The following SPRED2 variants were observed in gnomAD, a reference collection of about 807,000 sequenced individuals.
SPRED2 encodes sprouty related EVH1 domain containing 2.
Under a neutral mutation model 43.0 loss-of-function variants are expected in SPRED2, and 47 were observed. The observed-to-expected ratio is 1.09, with a 90% CI of 0.87 to 1.40. The LOEUF (loss-of-function observed/expected upper bound fraction) is 1.40. SPRED2 is among the 40% of genes most tolerant of loss of function. SPRED2 has a pLI of 0.00. For missense variants in SPRED2, 561 were observed against 586.4 expected, an observed-to-expected ratio of 0.96 and a Z score of 0.45; for synonymous variants, 225 against 225.7, an observed-to-expected ratio of 1.00 and a Z score of 0.03.
chr2:65,318,158 C>T (rs1436687877), intron 4 of SPRED2, among the ~76,000 whole-genome samples: 3 of 152,174 alleles, frequency 2.0e-5, no homozygotes, highest in South Asian at 4.1e-4. Context: ...CCTGCACAAG[C>T]TCTTTTTTTG....
At chr2:65,431,844 G>T in intron 1 of SPRED2, 118 bp downstream of exon 1, 1 of 1,247,872 alleles carries the variant, frequency 8.0e-7, no homozygotes, top group Non-Finnish European at 1.2e-6. Context: ...CGAAAGGTCA[G>T]CGAGTCGCTG....
At chr2:65,379,125 G>A (rs1391081518) in intron 1 of SPRED2, among the ~76,000 whole-genome samples, 1 of 152,108 alleles carries the variant, frequency 6.6e-6, no homozygotes, top group Non-Finnish European at 1.5e-5. Context: ...TGGCAAACAG[G>A]TTAAAATGAG....
intron 2 of SPRED2, among the ~76,000 whole-genome samples, chr2:65,343,772 T>C (rs1269834372): frequency 6.6e-6 from 1 of 152,170 alleles, no homozygotes; most frequent in Admixed American, 6.5e-5. Context: ...TAAGACCATA[T>C]ATTATGAAGT....
chr2:65,423,323 G>A (rs1025480948), intron 1 of SPRED2, among the ~76,000 whole-genome samples: 1 of 152,164 alleles, frequency 6.6e-6, no homozygotes, highest in Non-Finnish European at 1.5e-5. Context: ...GGGAGCCAAG[G>A]ATGCTATTAC....
chr2:65,309,505 C>CAAAA (rs35507211), downstream of SPRED2, among the ~76,000 whole-genome samples: 20 of 59,960 alleles, frequency 3.3e-4, no homozygotes, highest in Non-Finnish European at 4.8e-4. Flanking sequence ...GACCCTGTCT[C>CAAAA]AAAAAAAAAA....
intron 1 of SPRED2, among the ~76,000 whole-genome samples, chr2:65,431,133 G>A (rs1015435646): frequency 6.6e-6 from 1 of 150,896 alleles, no homozygotes; most frequent in Admixed American, 6.6e-5. Context: ...GGATCCCTCC[G>A]GCGGAGCGCC....
intron 1 of SPRED2, among the ~76,000 whole-genome samples, chr2:65,398,870 AAAG>A (rs58979038): frequency 0.27 from 40,795 of 151,984 alleles, 6,811 homozygotes; most frequent in East Asian, 0.69. Flanking sequence ...ACTACTGGGA[AAAG>A]AAGTCATTAT....
intron 1 of SPRED2, chr2:65,366,917 T>G: frequency 6.3e-6 from 2 of 318,604 alleles, no homozygotes; most frequent in Non-Finnish European, 9.1e-6. Flanking sequence ...GTTTTAAAAA[T>G]TCCTGTAAGT....
At chr2:65,331,775 G>A (rs1234238870) in intron 4 of SPRED2, among the ~76,000 whole-genome samples, 1 of 152,246 alleles carries the variant, frequency 6.6e-6, no homozygotes, top group East Asian at 1.9e-4. Flanking sequence ...CTGCTGTGCT[G>A]TGTGGCAGAT....
At chr2:65,393,326 CTT>C (rs55696467) in intron 1 of SPRED2, among the ~76,000 whole-genome samples, 92 of 141,690 alleles carry the variant, frequency 6.5e-4, no homozygotes, top group East Asian at 4.7e-3. Flanking sequence ...AATCATAAGG[CTT>C]TTTTTTTTTT....
At chr2:65,316,369 A>G (rs1338323877) in intron 5 of SPRED2, among the ~76,000 whole-genome samples, 3 of 152,350 alleles carry the variant, frequency 2.0e-5, no homozygotes, top group Non-Finnish European at 2.9e-5. Flanking sequence ...TGCAGGACGC[A>G]GTGTAGCCCC....
chr2:65,346,359 G>A (rs2104273025), intron 1 of SPRED2, among the ~76,000 whole-genome samples: 1 of 151,282 alleles, frequency 6.6e-6, no homozygotes, highest in East Asian at 1.9e-4. Flanking sequence ...AAATATGAAT[G>A]GCATAAAATT....
At chr2:65,383,256 A>T (rs1169177774) in intron 1 of SPRED2, among the ~76,000 whole-genome samples, 3 of 152,224 alleles carry the variant, frequency 2.0e-5, no homozygotes, top group African/African-American at 7.2e-5. Context: ...CCAAGCTTCA[A>T]CAGAGCTTTT....
At chr2:65,393,397 T>C (rs537054516) in intron 1 of SPRED2, among the ~76,000 whole-genome samples, 1 of 150,206 alleles carries the variant, frequency 6.7e-6, no homozygotes, top group East Asian at 2.0e-4. Flanking sequence ...AGTGGCACAA[T>C]CTCGGCTCAC....
intron 1 of SPRED2, among the ~76,000 whole-genome samples, chr2:65,363,000 GTTTTGTTT>G (rs1184786002): frequency 2.4e-3 from 160 of 66,926 alleles, no homozygotes; most frequent in African/African-American, 0.011. Context: ...TGGTCATCAT[GTTTTGTTT>G]TTTTTTTTTT....
intron 5 of SPRED2, 121 bp downstream of exon 5, chr2:65,316,613 T>G: frequency 2.5e-6 from 3 of 1,212,880 alleles, no homozygotes; most frequent in Middle Eastern, 2.9e-4. Context: ...GAAGTGGGGG[T>G]AAAGGCAGGA....
chr2:65,402,848 A>G (rs959997106), intron 1 of SPRED2, among the ~76,000 whole-genome samples: 1 of 152,234 alleles, frequency 6.6e-6, no homozygotes, highest in African/African-American at 2.4e-5. Flanking sequence ...GAAAATCATA[A>G]TTAGGGTTTT....
intron 1 of SPRED2, among the ~76,000 whole-genome samples, chr2:65,379,697 G>A (rs1413823237): frequency 6.6e-6 from 1 of 152,020 alleles, no homozygotes; most frequent in Non-Finnish European, 1.5e-5. Flanking sequence ...TGCTTGAGTC[G>A]ACACTGCAAT....
chr2:65,322,929 C>G (rs1406222831), intron 4 of SPRED2, among the ~76,000 whole-genome samples: 9 of 152,202 alleles, frequency 5.9e-5, no homozygotes. Context: ...CATAAACCTT[C>G]TTTGCATTCC....
Sources: allele counts gnomAD v4.1 joint callset (sites outside exome capture counted in the v4.1 genomes callset), GRCh38; gene constraint gnomAD v4.1.1; transcripts MANE v1.5; gene names NCBI Gene and HGNC (gene_info 2026-07-23, HGNC 2026-07-21).